Variants in ANKS1B observed in about 807,000 individuals in gnomAD.
The protein encoded by ANKS1B is ankyrin repeat and sterile alpha motif domain containing 1B, also known as ankyrin repeat and sterile alpha motif domain-containing protein 1B.
ANKS1B carries 36 observed loss-of-function variants against 148.3 expected under a neutral mutation model. That is an observed-to-expected ratio of 0.24 (90% CI 0.19 to 0.32). ANKS1B has a LOEUF of 0.32. ANKS1B is among the 10% of genes least tolerant of loss of function. The probability of loss-of-function intolerance (pLI) is 1.00; values close to 1 mark genes in which losing one functional copy is unlikely to be tolerated. For synonymous variants in ANKS1B, 542 were observed against 560.8 expected, an observed-to-expected ratio of 0.97 and a Z score of 0.47; for missense variants, 1,157 against 1,542.6, an observed-to-expected ratio of 0.75 and a Z score of 4.19.
intron 17 of ANKS1B, among the ~76,000 whole-genome samples, chr12:98,983,295 T>C (rs866866235): frequency 3.2e-4 from 49 of 152,220 alleles, no homozygotes; most frequent in African/African-American, 1.0e-3. Flanking sequence ...CCCCTTTTCC[T>C]GCTGTCTGTT....
intron 12 of ANKS1B, among the ~76,000 whole-genome samples, chr12:99,274,069 G>A (rs2077389928): frequency 1.3e-5 from 2 of 151,936 alleles, no homozygotes; most frequent in African/African-American, 4.8e-5. Flanking sequence ...TGCCCTTAAG[G>A]TCTTAGGTCT....
At chr12:99,015,505 G>C (rs1364472373) in intron 17 of ANKS1B, among the ~76,000 whole-genome samples, 2 of 152,130 alleles carry the variant, frequency 1.3e-5, no homozygotes, top group Non-Finnish European at 2.9e-5. Context: ...TTGTACCCCT[G>C]AGTGTAAAAT....
In ANKS1B at chr12:99,592,480, G is replaced by GAA. The variant is rs60935160; in HGVS notation, c.1272+62585_1272+62586dup. ...TAGTGGCTTACTAGAGATTGGAAATGAAAAAAAAAAAAGGTGAAAAGAATT... is the reference window on the plus strand; with the variant it reads ...TAGTGGCTTACTAGAGATTGGAAATGAAAAAAAAAAAAAAGGTGAAAAGAATT... On this transcript the variant is annotated intron_variant, in intron 9 of 26. Coordinates refer to ENST00000683438, the MANE Select transcript of ANKS1B (RefSeq NM_001352186.2). Among the ~76,000 whole-genome samples the GAA allele has an allele frequency of 2.8e-3, 369 of 130,622 alleles. 4 individuals are homozygous for GAA. The highest frequency in any genetic ancestry group is 9.2e-3 in the African/African-American group (318 of 34,628). 85.7% of individuals were successfully genotyped at this position (130,622 alleles called of 152,430 possible).
At chr12:99,551,582 AC>A (rs2097219531) in intron 9 of ANKS1B, among the ~76,000 whole-genome samples, 1 of 142,890 alleles carries the variant, frequency 7.0e-6, no homozygotes, top group Non-Finnish European at 1.5e-5. Context: ...GAGGAAGAAT[AC>A]TCTGGAGCAC....
intron 14 of ANKS1B, among the ~76,000 whole-genome samples, chr12:99,218,778 C>G (rs2084636840): frequency 1.3e-5 from 2 of 152,128 alleles, no homozygotes; most frequent in African/African-American, 2.4e-5. Flanking sequence ...ATTACATGAA[C>G]TAATAGTGCC....
chr12:99,713,224 T>C (rs1031586667), intron 8 of ANKS1B, among the ~76,000 whole-genome samples: 10 of 152,172 alleles, frequency 6.6e-5, no homozygotes, highest in African/African-American at 2.4e-4. Context: ...CAAACACTTT[T>C]CTGTGTGATT....
chr12:98,892,293 A>G (rs886844920), intron 17 of ANKS1B, among the ~76,000 whole-genome samples: 1 of 152,232 alleles, frequency 6.6e-6, no homozygotes, highest in Admixed American at 6.5e-5. Context: ...TTCGAAACAC[A>G]CGGTGCTCAA....
intron 9 of ANKS1B, among the ~76,000 whole-genome samples, chr12:99,550,352 G>C (rs577702304): frequency 6.6e-6 from 1 of 152,098 alleles, no homozygotes; most frequent in Non-Finnish European, 1.5e-5. Context: ...AATCAAGCGC[G>C]GTGGCTTAGG....
At chr12:99,545,780 TTA>T (rs35241137) in intron 9 of ANKS1B, among the ~76,000 whole-genome samples, 56,257 of 146,140 alleles carry the variant, frequency 0.38, 10,919 homozygotes, top group Admixed American at 0.41. Flanking sequence ...CATATATAAA[TTA>T]TATATATATA....
At chr12:99,936,286 A>T (rs2094767168) in intron 1 of ANKS1B, among the ~76,000 whole-genome samples, 1 of 152,192 alleles carries the variant, frequency 6.6e-6, no homozygotes, top group African/African-American at 2.4e-5. Context: ...TCAAAAGCTA[A>T]GCCAAAATTA....
chr12:99,117,784 C>T (rs532662774), intron 15 of ANKS1B, among the ~76,000 whole-genome samples: 13 of 152,326 alleles, frequency 8.5e-5, no homozygotes, highest in African/African-American at 2.9e-4. Context: ...ACCAGCTTCT[C>T]TTTGCACATC....
chr12:99,121,318 G>GGGGTGTGCGTGTGTGTGTGTGT (rs796549235), intron 15 of ANKS1B, among the ~76,000 whole-genome samples: 1 of 105,926 alleles, frequency 9.4e-6, no homozygotes, highest in South Asian at 2.9e-4. Context: ...TGTGTATGTA[G>GGGGTGTGCGTGTGTGTGTGTGT]GTATGTGTGT....
At chr12:99,362,749 A>G (rs1196192691) in intron 12 of ANKS1B, among the ~76,000 whole-genome samples, 1 of 152,080 alleles carries the variant, frequency 6.6e-6, no homozygotes, top group Non-Finnish European at 1.5e-5. Flanking sequence ...CCATATCTTA[A>G]TAAACGCAGT....
rs367815683 is a variant in ANKS1B at position 98,916,962 on chromosome 12, ATT to A, written c.2779-84828_2779-84827del. Among the ~76,000 whole-genome samples the A allele has an allele frequency of 2.2e-3, 311 of 141,448 alleles. 2 individuals carry two copies. The East Asian group carries it at 0.036, about 16-fold the overall frequency. The allele number at this position is 141,448 out of a possible 152,430, so 92.8% of individuals were successfully genotyped here. ...CTTATAGCAGCCCTAGTATTCAACT[ATT>A]TTTTTTTTTTTTTTGAGACAGGATC... On this transcript the variant is annotated intron_variant, in intron 17 of 26. Coordinates refer to ENST00000683438, the MANE Select transcript of ANKS1B (RefSeq NM_001352186.2).
chr12:98,772,208 A>AC (rs1320065164), intron 25 of ANKS1B, among the ~76,000 whole-genome samples: 1 of 152,186 alleles, frequency 6.6e-6, no homozygotes, highest in African/African-American at 2.4e-5. Flanking sequence ...AACATGCAGT[A>AC]CCTTAAAATG....
chr12:99,478,581 G>T (rs1039884711), intron 10 of ANKS1B, among the ~76,000 whole-genome samples: 1 of 152,060 alleles, frequency 6.6e-6, no homozygotes, highest in African/African-American at 2.4e-5. Context: ...TTTTGATATG[G>T]GTGTGACCTA....
intron 17 of ANKS1B, among the ~76,000 whole-genome samples, chr12:98,886,354 G>A (rs1402713723): frequency 1.3e-5 from 2 of 152,150 alleles, no homozygotes; most frequent in Non-Finnish European, 2.9e-5. Context: ...TACTGACACA[G>A]AAGAAAGGAC....
rs149766282 is a variant in ANKS1B at position 99,164,619 on chromosome 12, G to A, written c.2420-10224C>T. The stretch of plus-strand genomic sequence containing the variant: ...TACCAATTATTTCCCTCTCAAAAAC[G>A]CTCTATATCCTTCATACTCCAGTAA... On this transcript the variant is annotated intron_variant, in intron 14 of 26. Coordinates refer to ENST00000683438, the MANE Select transcript of ANKS1B (RefSeq NM_001352186.2). 4.4e-3 allele frequency among the ~76,000 whole-genome samples: 673 copies of A among 151,944 alleles called. 17 individuals carry two copies. The highest frequency in any genetic ancestry group is 1.5e-3 in the East Asian group (8 of 5,180).
intron 9 of ANKS1B, among the ~76,000 whole-genome samples, chr12:99,542,199 G>A (rs1389956426): frequency 6.6e-6 from 1 of 152,012 alleles, no homozygotes; most frequent in East Asian, 1.9e-4. Context: ...TTGAAATAAT[G>A]GACAAGTTCA....
Sources: allele counts gnomAD v4.1 joint callset (sites outside exome capture counted in the v4.1 genomes callset), GRCh38; gene constraint gnomAD v4.1.1; transcripts MANE v1.5; gene names NCBI Gene and HGNC (gene_info 2026-07-23, HGNC 2026-07-21).